UMAD1: variants seen among roughly 807,000 people sequenced by gnomAD.
UMAD1 encodes the protein UBAP1-MVB12-associated (UMA)-domain containing protein 1.
A neutral mutation model predicts 6.1 loss-of-function variants in UMAD1; 8 were observed. That is an observed-to-expected ratio of 1.30 (90% CI 0.76 to 2.35). The LOEUF is 2.35. UMAD1 is among the 30% of genes most tolerant of loss of function. The pLI, the probability that UMAD1 is intolerant of heterozygous loss-of-function variation, is 0.00. For synonymous variants in UMAD1, 56 were observed against 31.4 expected (o/e 1.78, Z -2.61); for missense variants, 130 against 78.4 (o/e 1.66, Z -2.49).
At position 7,758,780 on chromosome 7, in the gene UMAD1, G is replaced by A. The variant is rs966493979; in HGVS notation, c.83-42890G>A. Among the ~76,000 whole-genome samples the A allele has an allele frequency of 5.3e-5, 8 of 152,188 alleles. No individual in the cohort carries two copies. The East Asian group carries it at 1.3e-3, about 26-fold the overall frequency. On this transcript the variant is annotated intron_variant, in intron 2 of 3. Coordinates refer to ENST00000682710, the MANE Select transcript of UMAD1 (RefSeq NM_001302348.2). ...CTAGTTCATTAATTTTGACTCCTGC[G>A]TAATGTTTCTTTGTATGAAGGTACC...
intron 2 of UMAD1, among the ~76,000 whole-genome samples, chr7:7,722,050 G>T (rs558948139): frequency 6.6e-6 from 1 of 151,910 alleles, no homozygotes; most frequent in Non-Finnish European, 1.5e-5. Flanking sequence ...AAGTTCTTCG[G>T]CTTTGGGACT....
At position 7,775,367 on chromosome 7, in the gene UMAD1, C is replaced by T. The variant is rs148306064; in HGVS notation, c.83-26303C>T. On this transcript the variant is annotated intron_variant, in intron 2 of 3. Coordinates refer to ENST00000682710, the MANE Select transcript of UMAD1 (RefSeq NM_001302348.2). ...GGTAATTGAATCATGGGGGCAGTTT[C>T]CACCATGCTGTTCTCATGATAGTGA... Among the ~76,000 whole-genome samples the T allele has an allele frequency of 7.6e-3, 1,162 of 152,292 alleles. 13 individuals are homozygous for T. Among genetic ancestry groups the T allele is most frequent in the Non-Finnish European group, 0.012 (846 of 68,024 alleles).
intron 2 of UMAD1, among the ~76,000 whole-genome samples, chr7:7,683,829 G>A (rs1456589880): frequency 6.6e-6 from 1 of 152,076 alleles, no homozygotes; most frequent in African/African-American, 2.4e-5. Context: ...CACCATGTTG[G>A]CCAGGCCGGT....
At chr7:7,708,268 C>T (rs751486860) in intron 2 of UMAD1, among the ~76,000 whole-genome samples, 2 of 152,148 alleles carry the variant, frequency 1.3e-5, no homozygotes, top group Admixed American at 1.3e-4. Context: ...ATCTTTTCTT[C>T]GTGATTTACA....
intron 3 of UMAD1, among the ~76,000 whole-genome samples, chr7:7,851,055 T>G (rs958186701): frequency 2.0e-5 from 3 of 152,174 alleles, no homozygotes; most frequent in African/African-American, 7.2e-5. Context: ...ACATGTAGCT[T>G]TGATATGTTG....
rs28912702 is a variant in UMAD1 at position 7,705,462 on chromosome 7, C to T, written c.82+32009C>T. 1.4e-3 allele frequency among the ~76,000 whole-genome samples: 214 copies of T among 152,304 alleles called. 3 individuals are homozygous for T. The East Asian group carries it at 0.03, about 21-fold the overall frequency. Reference sequence around the variant, plus strand: ...AATGTAATTGGTTTGGGTCACTGCTCTGTACAGCCTGCACCCAGTGTTTAT... The same window carrying T: ...AATGTAATTGGTTTGGGTCACTGCTTTGTACAGCCTGCACCCAGTGTTTAT... On this transcript the variant is annotated intron_variant, in intron 2 of 3. Transcript: ENST00000682710.
Position 7,791,972 on chromosome 7 carries a change from A to T in UMAD1, c.83-9698A>T, listed in dbSNP as rs112817774. On this transcript the variant is annotated intron_variant, in intron 2 of 3. Coordinates refer to ENST00000682710, the MANE Select transcript of UMAD1 (RefSeq NM_001302348.2). ...GAACTCTTAGTTTGAAACTTTCTTTATATTTTAGCAATCGTTTGTAATTCT... is the reference window on the plus strand; with the variant it reads ...GAACTCTTAGTTTGAAACTTTCTTTTTATTTTAGCAATCGTTTGTAATTCT... 6.5e-3 allele frequency among the ~76,000 whole-genome samples: 985 copies of T among 152,320 alleles called. 12 individuals are homozygous for T. Among genetic ancestry groups the T allele is most frequent in the African/African-American group, 0.022 (925 of 41,572 alleles).
intron 2 of UMAD1, among the ~76,000 whole-genome samples, chr7:7,765,194 T>C (rs773536017): frequency 2.6e-5 from 4 of 152,142 alleles, no homozygotes; most frequent in Non-Finnish European, 4.4e-5. Context: ...ACTCATATCT[T>C]GCCTCTCATC....
Position 7,681,636 on chromosome 7 carries a change from A to C in UMAD1, c.82+8183A>C, listed in dbSNP as rs569256914. Among the ~76,000 whole-genome samples the C allele has an allele frequency of 7.9e-5, 12 of 152,244 alleles. No homozygotes were observed. In the South Asian group the frequency reaches 2.5e-3, roughly 32 times the overall value. On this transcript the variant is annotated intron_variant, in intron 2 of 3. Transcript: ENST00000682710. Reference sequence around the variant, plus strand: ...GTTGAAGTAATCCTCCAGGGTACTCATTTTACACAAAAACAAATTGCAGTT... The same window carrying C: ...GTTGAAGTAATCCTCCAGGGTACTCCTTTTACACAAAAACAAATTGCAGTT...
intron 2 of UMAD1, among the ~76,000 whole-genome samples, chr7:7,784,640 C>T (rs995860484): frequency 2.6e-5 from 4 of 151,948 alleles, no homozygotes; most frequent in Non-Finnish European, 5.9e-5. Context: ...CCACCGTGCC[C>T]GGCCTACTTA....
intron 3 of UMAD1, among the ~76,000 whole-genome samples, chr7:7,874,941 AT>A (rs2115345127): frequency 6.6e-6 from 1 of 151,984 alleles, no homozygotes; most frequent in South Asian, 2.1e-4. Flanking sequence ...CTTATGAAGT[AT>A]TTTGTATTTT....
intron 3 of UMAD1, among the ~76,000 whole-genome samples, chr7:7,811,240 G>GAACAAA (rs1783016770): frequency 6.6e-6 from 1 of 152,028 alleles, no homozygotes; most frequent in Non-Finnish European, 1.5e-5. Context: ...AGACTTGCCA[G>GAACAAA]GATTTTTGTT....
chr7:7,774,530 G>A (rs11771231), intron 2 of UMAD1, among the ~76,000 whole-genome samples: 9,900 of 152,280 alleles, frequency 0.065, 440 homozygotes, highest in Non-Finnish European at 0.093. Context: ...TTGAGAATGT[G>A]AAAGTGTTGT....
At chr7:7,812,899 A>G (rs996533020) in intron 3 of UMAD1, among the ~76,000 whole-genome samples, 1 of 150,922 alleles carries the variant, frequency 6.6e-6, no homozygotes, top group African/African-American at 2.4e-5. Flanking sequence ...TCTTGAGACT[A>G]TATAGAGAGC....
At chr7:7,682,131 G>T (rs367848789) in intron 2 of UMAD1, among the ~76,000 whole-genome samples, 83 of 152,252 alleles carry the variant, frequency 5.5e-4, no homozygotes, top group African/African-American at 1.9e-3. Flanking sequence ...ATGCATCATG[G>T]TTTTCAGAAT....
At chr7:7,674,787 C>A (rs1779698617) in intron 2 of UMAD1, among the ~76,000 whole-genome samples, 1 of 152,122 alleles carries the variant, frequency 6.6e-6, no homozygotes, top group East Asian at 1.9e-4. Flanking sequence ...ACTTTTTTCA[C>A]ACTTCTTGAA....
chr7:7,774,975 C>G (rs1489244548), intron 2 of UMAD1, among the ~76,000 whole-genome samples: 5 of 152,174 alleles, frequency 3.3e-5, no homozygotes, highest in African/African-American at 4.8e-5. Flanking sequence ...CTTTCTTCAT[C>G]AATTATTTCA....
chr7:7,714,019 A>G (rs1015474039), intron 2 of UMAD1, among the ~76,000 whole-genome samples: 8 of 152,230 alleles, frequency 5.3e-5, no homozygotes, highest in Admixed American at 1.3e-4. Flanking sequence ...TTCATCGTCA[A>G]TACTTCTTTG....
At chr7:7,862,421 A>G (rs1272150636) in intron 3 of UMAD1, among the ~76,000 whole-genome samples, 3 of 152,188 alleles carry the variant, frequency 2.0e-5, no homozygotes, top group Admixed American at 2.0e-4. Flanking sequence ...TTATCTGGAA[A>G]AAATATGATC....
Sources: allele counts gnomAD v4.1 joint callset (sites outside exome capture counted in the v4.1 genomes callset), GRCh38; gene constraint gnomAD v4.1.1; transcripts MANE v1.5; gene names NCBI Gene and HGNC (gene_info 2026-07-23, HGNC 2026-07-21).